XYLT1: variants seen among roughly 807,000 people sequenced by gnomAD.
XYLT1 encodes beta-D-xylosyltransferase 1.
Under a neutral mutation model 91.3 loss-of-function variants are expected in XYLT1, and 36 were observed. The observed-to-expected ratio is 0.39, with a 90% CI of 0.30 to 0.52. The LOEUF is 0.52. Ranked by LOEUF, XYLT1 falls within the 20% of genes least tolerant of loss-of-function variation. The probability of loss-of-function intolerance (pLI) is 0.68; values close to 1 mark genes in which losing one functional copy is unlikely to be tolerated. For synonymous variants in XYLT1, 588 were observed against 532.0 expected, an observed-to-expected ratio of 1.11 and a Z score of -1.45; for missense variants, 1,242 against 1,284.5, an observed-to-expected ratio of 0.97 and a Z score of 0.51.
At chr16:17,385,665 T>C (rs944811456) in intron 1 of XYLT1, among the ~76,000 whole-genome samples, 5 of 151,988 alleles carry the variant, frequency 3.3e-5, no homozygotes, top group Admixed American at 2.0e-4. Flanking sequence ...TGTAGTGAAA[T>C]AGATCTCTTT....
rs201594594 is a variant in XYLT1, at chr16:17,117,630, C to A, written c.2557+16G>T. 5.2e-5 allele frequency: 83 copies of A among 1,602,466 alleles called. No individual in the cohort carries two copies. In the African/African-American group the frequency reaches 1.0e-3, roughly 20 times the overall value. ...GGAAGGAGTATTTCTCCCACATAGA[C>A]ACTGGGAGTACTTACCAGGTTTGAT... On this transcript the variant is annotated intron_variant, in intron 11 of 11. Coordinates refer to ENST00000261381, the MANE Select transcript of XYLT1 (RefSeq NM_022166.4).
At chr16:17,356,062 A>C (rs141612941) in intron 2 of XYLT1, among the ~76,000 whole-genome samples, 2 of 151,858 alleles carry the variant, frequency 1.3e-5, no homozygotes, top group East Asian at 3.9e-4. Context: ...GTGTTGTAGG[A>C]TATTTAACAG....
chr16:17,410,283 T>C (rs1225191761), intron 1 of XYLT1, among the ~76,000 whole-genome samples: 1 of 152,174 alleles, frequency 6.6e-6, no homozygotes, highest in African/African-American at 2.4e-5. Context: ...CCTGTTGTAA[T>C]AGTTTGTTTT....
intron 2 of XYLT1, among the ~76,000 whole-genome samples, chr16:17,327,684 C>G (rs1283680581): frequency 1.3e-5 from 2 of 149,120 alleles, no homozygotes; most frequent in African/African-American, 5.0e-5. Flanking sequence ...GCCTGGCCAA[C>G]AACTGCCTTT....
intron 1 of XYLT1, among the ~76,000 whole-genome samples, chr16:17,376,371 C>T (rs1018267542): frequency 1.3e-5 from 2 of 152,216 alleles, no homozygotes; most frequent in Non-Finnish European, 2.9e-5. Context: ...AGGCCAACCA[C>T]AGCCAGCCAA....
At chr16:17,278,453 C>T (rs997373757) in intron 2 of XYLT1, among the ~76,000 whole-genome samples, 2 of 152,154 alleles carry the variant, frequency 1.3e-5, no homozygotes, top group Non-Finnish European at 2.9e-5. Context: ...AAGGGGTATT[C>T]CCATTAAGGC....
Position 17,454,904 on chromosome 16 carries a change from C to T in XYLT1, c.363+15530G>A, listed in dbSNP as rs367825893. Among the ~76,000 whole-genome samples, 76 of 52,884 alleles carry T rather than the reference C, an allele frequency of 1.4e-3. 4 individuals carry two copies. The highest frequency in any genetic ancestry group is 0.012 in the African/African-American group (69 of 5,648). The allele number at this position is 52,884 out of a possible 152,430, so 34.7% of individuals were successfully genotyped here. On this transcript the variant is annotated intron_variant, in intron 1 of 11. Transcript: ENST00000261381. ...GCGTCACAAAATATCATTCTTTCCT[C>T]CCCCCCCCGCCCCCCCCCGCAACTA...
chr16:17,133,370 T>TCTATCCTAAGGAAATAATC (rs1198309357), intron 9 of XYLT1, among the ~76,000 whole-genome samples: 5 of 152,020 alleles, frequency 3.3e-5, no homozygotes, highest in Non-Finnish European at 5.9e-5. Flanking sequence ...CTTCTGGGAA[T>TCTATCCTAAGGAAATAATC]CTATCCTAAG....
intron 2 of XYLT1, among the ~76,000 whole-genome samples, chr16:17,287,726 C>T (rs2034162753): frequency 6.6e-6 from 1 of 152,114 alleles, no homozygotes; most frequent in African/African-American, 2.4e-5. Flanking sequence ...CTGAATGTCC[C>T]TAAGACAGAA....
intron 5 of XYLT1, among the ~76,000 whole-genome samples, chr16:17,174,331 A>G (rs2141560603): frequency 6.6e-6 from 1 of 152,318 alleles, no homozygotes; most frequent in South Asian, 2.1e-4. Context: ...TATTCATGGC[A>G]GCACTACTCA....
intron 1 of XYLT1, among the ~76,000 whole-genome samples, chr16:17,415,783 A>G (rs2036172734): frequency 6.6e-6 from 1 of 152,218 alleles, no homozygotes; most frequent in Admixed American, 6.5e-5. Context: ...TGTGGTGAGC[A>G]GGAATACGAG....
At chr16:17,317,629 CAAAAAAAAAAAAAA>C (rs35666149) in intron 2 of XYLT1, among the ~76,000 whole-genome samples, 1 of 57,992 alleles carries the variant, frequency 1.7e-5, no homozygotes, top group African/African-American at 7.0e-5. Context: ...GACGCTGTCT[CAAAAAAAAAAAAAA>C]AAAAAAAAAA....
At chr16:17,272,638 C>G (rs938861048) in intron 2 of XYLT1, among the ~76,000 whole-genome samples, 1 of 152,196 alleles carries the variant, frequency 6.6e-6, no homozygotes, top group African/African-American at 2.4e-5. Flanking sequence ...CTGGAAACAT[C>G]AGGGACCTGA....
At position 17,470,743 on chromosome 16, in the gene XYLT1, C is replaced by A; in HGVS notation, c.54G>T (p.Leu18=). The change falls in exon 1 of 12, where the codon CTG becomes CTT. Residue 18 remains leucine (L), a synonymous_variant. Transcript: ENST00000261381. Reference sequence around the variant, plus strand: ...GCAGCAGCACCGTGAGCGCCGCGAGCAGCGCCGAGTGCGAGCGCCGGGCCA... The same window carrying A: ...GCAGCAGCACCGTGAGCGCCGCGAGAAGCGCCGAGTGCGAGCGCCGGGCCA... ...RRLARRSHSA[L]LAALTVLLLQ... is the part of the protein sequence containing the mutation. 2.7e-6 allele frequency: 3 copies of A among 1,124,980 alleles called. No individual in the cohort carries two copies. Among genetic ancestry groups the A allele is most frequent in the Non-Finnish European group, 3.3e-6 (3 of 906,652 alleles). 69.7% of individuals were successfully genotyped at this position (1,124,980 alleles called of 1,614,324 possible).
intron 2 of XYLT1, among the ~76,000 whole-genome samples, chr16:17,327,557 T>G (rs2034827493): frequency 1.4e-5 from 2 of 138,288 alleles, no homozygotes; most frequent in Admixed American, 7.6e-5. Context: ...AGAGACGGAG[T>G]TTCACCGTGT....
chr16:17,209,866 T>C (rs924129491), intron 3 of XYLT1, among the ~76,000 whole-genome samples: 1 of 152,226 alleles, frequency 6.6e-6, no homozygotes, highest in Non-Finnish European at 1.5e-5. Context: ...GACCTGATCC[T>C]GAGGACTATA....
At chr16:17,315,874 G>C (rs748632855) in intron 2 of XYLT1, among the ~76,000 whole-genome samples, 1 of 152,094 alleles carries the variant, frequency 6.6e-6, no homozygotes, top group Non-Finnish European at 1.5e-5. Context: ...GCAAGTCCCT[G>C]GTAGGAGGTC....
At chr16:17,304,521 C>T (rs1271566629) in intron 2 of XYLT1, among the ~76,000 whole-genome samples, 1 of 152,150 alleles carries the variant, frequency 6.6e-6, no homozygotes, top group South Asian at 2.1e-4. Context: ...GTGATTGTAA[C>T]ATGTTTTATT....
At chr16:17,242,593 T>A (rs79224539) in intron 3 of XYLT1, among the ~76,000 whole-genome samples, 1 of 152,192 alleles carries the variant, frequency 6.6e-6, no homozygotes, top group East Asian at 1.9e-4. Context: ...AGGCAATGCA[T>A]GTTTCAGAAG....
Sources: allele counts gnomAD v4.1 joint callset (sites outside exome capture counted in the v4.1 genomes callset), GRCh38; gene constraint gnomAD v4.1.1; transcripts MANE v1.5; gene names NCBI Gene and HGNC (gene_info 2026-07-23, HGNC 2026-07-21).